CNTNAP3B: variants seen among roughly 807,000 people sequenced by gnomAD.
CNTNAP3B encodes the protein contactin-associated protein-like 3B.
Under a neutral mutation model 108.9 loss-of-function variants are expected in CNTNAP3B, and 25 were observed. The observed-to-expected ratio is 0.23, with a 90% CI of 0.17 to 0.32. The LOEUF is 0.32. CNTNAP3B is among the 10% of genes least tolerant of loss of function. The pLI, the probability that CNTNAP3B is intolerant of heterozygous loss-of-function variation, is 1.00. For synonymous variants in CNTNAP3B, 103 were observed against 473.4 expected (o/e 0.22, Z 10.16); for missense variants, 252 against 1,210.4 (o/e 0.21, Z 11.75).
chr9:42,108,466 C>A (rs1828125560), intron 1 of CNTNAP3B, among the ~76,000 whole-genome samples: 1 of 135,888 alleles, frequency 7.4e-6, no homozygotes, highest in African/African-American at 3.0e-5. Context: ...TGGGTAACAG[C>A]TGGATTCATA....
At chr9:42,080,283 G>T (rs1284515037) in intron 2 of CNTNAP3B, among the ~76,000 whole-genome samples, 1 of 135,924 alleles carries the variant, frequency 7.4e-6, no homozygotes, top group Non-Finnish European at 1.6e-5. Context: ...TTTTACCTTT[G>T]ATGAAGTAGT....
chr9:41,945,647 A>G (rs907253608), intron 13 of CNTNAP3B, among the ~76,000 whole-genome samples: 3 of 152,296 alleles, frequency 2.0e-5, no homozygotes, highest in African/African-American at 7.2e-5. Context: ...GAATAGCATT[A>G]GGAGATATAG....
At chr9:42,084,256 T>C (rs1046306018) in intron 2 of CNTNAP3B, among the ~76,000 whole-genome samples, 1 of 121,212 alleles carries the variant, frequency 8.3e-6, no homozygotes, top group African/African-American at 3.4e-5. Flanking sequence ...AATTATCACT[T>C]GAGCAGGCAA....
intron 10 of CNTNAP3B, among the ~76,000 whole-genome samples, chr9:41,967,873 A>G (rs1825327934): frequency 6.6e-6 from 1 of 152,274 alleles, no homozygotes; most frequent in African/African-American, 2.4e-5. Context: ...CTTATCTGCA[A>G]TGATTATTGT....
chr9:42,078,513 T>G (rs1211581786), intron 2 of CNTNAP3B, among the ~76,000 whole-genome samples: 2 of 139,696 alleles, frequency 1.4e-5, no homozygotes, highest in East Asian at 2.1e-4. Context: ...TTTTGCTTTT[T>G]ATTGTTCTAT....
intron 1 of CNTNAP3B, among the ~76,000 whole-genome samples, chr9:42,107,586 T>G (rs567807623): frequency 8.1e-6 from 1 of 123,758 alleles, no homozygotes; most frequent in East Asian, 2.6e-4. Flanking sequence ...CATTTCGCCT[T>G]TGGAAAATTC....
chr9:42,094,508 C>T lies in CNTNAP3B; in HGVS notation c.196+10121G>A, dbSNP rs1327156299. On this transcript the variant is annotated intron_variant, in intron 2 of 23. Transcript: ENST00000377561. ...CATCTTTACAAAAAATATAAATGTT[C>T]GCTGGGTGTTATGACATGTGACTGT... Among the ~76,000 whole-genome samples the T allele has an allele frequency of 3.1e-5, 4 of 129,408 alleles. 1 individual carries two copies. The highest frequency in any genetic ancestry group is 7.8e-5 in the Admixed American group (1 of 12,740). The allele number at this position is 129,408 out of a possible 152,430, so 84.9% of individuals were successfully genotyped here.
At chr9:41,934,636 T>A (rs1824098856) in intron 14 of CNTNAP3B, among the ~76,000 whole-genome samples, 1 of 152,302 alleles carries the variant, frequency 6.6e-6, no homozygotes, top group Non-Finnish European at 1.5e-5. Context: ...ATGCTTTTCA[T>A]CTTTGTCTGA....
At position 42,026,553 on chromosome 9, in the gene CNTNAP3B, C is replaced by T. The variant is rs373098098; in HGVS notation, c.391-13028G>A. Among the ~76,000 whole-genome samples the T allele has an allele frequency of 7.6e-5, 7 of 92,256 alleles. 2 individuals are homozygous for T. The South Asian group carries it at 2.3e-3, about 31-fold the overall frequency. The allele number at this position is 92,256 out of a possible 152,430, so 60.5% of individuals were successfully genotyped here. The stretch of plus-strand genomic sequence containing the variant: ...AGCGAGCCCAGATGGCTCCACGGCA[C>T]GGCACTCCAGCCCGGGCGACAGAGT... On this transcript the variant is annotated intron_variant, in intron 3 of 23. Transcript: ENST00000377561.
At chr9:41,964,461 A>G in intron 11 of CNTNAP3B, 77 bp downstream of exon 11, 1 of 1,364,650 alleles carries the variant, frequency 7.3e-7, no homozygotes, top group Non-Finnish European at 9.8e-7. Flanking sequence ...GCAAATATGC[A>G]GATACATATA....
intron 9 of CNTNAP3B, among the ~76,000 whole-genome samples, chr9:41,982,861 T>TA (rs572261820): frequency 3.0e-3 from 405 of 135,168 alleles, no homozygotes; most frequent in African/African-American, 9.4e-3. Context: ...TATGTAGCCA[T>TA]AAAAAAAATG....
chr9:42,111,060 G>A (rs1240806090), intron 1 of CNTNAP3B, among the ~76,000 whole-genome samples: 6 of 138,430 alleles, frequency 4.3e-5, no homozygotes, highest in Non-Finnish European at 7.7e-5. Flanking sequence ...GGGGTCTGAA[G>A]GGGGCTCACC....
chr9:42,119,528 C>T (rs78961638), intron 1 of CNTNAP3B, among the ~76,000 whole-genome samples: 5 of 116,992 alleles, frequency 4.3e-5, no homozygotes, highest in Non-Finnish European at 7.1e-5. Flanking sequence ...CCAAGTCAAT[C>T]CTAAGCCAAA....
At chr9:42,067,093 T>C (rs1461751619) in intron 3 of CNTNAP3B, among the ~76,000 whole-genome samples, 1 of 151,896 alleles carries the variant, frequency 6.6e-6, no homozygotes, top group African/African-American at 2.4e-5. Flanking sequence ...CATTTTTGTA[T>C]CTCTGAATAG....
At chr9:42,019,453 G>A (rs1011143853) in intron 3 of CNTNAP3B, among the ~76,000 whole-genome samples, 4 of 80,854 alleles carry the variant, frequency 4.9e-5, no homozygotes, top group East Asian at 4.6e-4. Flanking sequence ...TGGAAAGCAC[G>A]CTACAAAGTA....
intron 10 of CNTNAP3B, among the ~76,000 whole-genome samples, chr9:41,968,883 G>A (rs554198516): frequency 2.4e-4 from 37 of 151,108 alleles, no homozygotes; most frequent in Non-Finnish European, 4.6e-4. Context: ...TGCAAGCTCC[G>A]CCTCCCGGGT....
intron 3 of CNTNAP3B, among the ~76,000 whole-genome samples, chr9:42,053,337 T>A (rs1319029051): frequency 1.6e-5 from 2 of 127,412 alleles, no homozygotes; most frequent in Non-Finnish European, 3.3e-5. Context: ...ATGACATGTT[T>A]TAGCCAGTGG....
intron 13 of CNTNAP3B, among the ~76,000 whole-genome samples, chr9:41,939,234 G>T (rs563902814): frequency 6.6e-6 from 1 of 152,416 alleles, no homozygotes; most frequent in South Asian, 2.1e-4. Flanking sequence ...AAAAAGGAAA[G>T]GGGTCAGAGG....
chr9:41,952,565 G>A (rs1824720914), intron 13 of CNTNAP3B, among the ~76,000 whole-genome samples: 1 of 152,198 alleles, frequency 6.6e-6, no homozygotes, highest in African/African-American at 2.4e-5. Flanking sequence ...TTTAACTTAG[G>A]AGAAGACGGT....
Sources: gnomAD v4.1 joint callset for allele counts (sites outside exome capture counted in the v4.1 genomes callset) on GRCh38, gnomAD v4.1.1 for gene constraint, MANE v1.5 for transcripts, NCBI Gene and HGNC (gene_info 2026-07-23, HGNC 2026-07-21) for gene names.